LOC128125817: variants seen among roughly 807,000 people sequenced by gnomAD.
At chr1:41,620,163 G>C in the LOC128125817 span, among the ~76,000 whole-genome samples, 1 of 152,214 alleles carries the variant, frequency 6.6e-6, no homozygotes, top group Non-Finnish European at 1.5e-5. Flanking sequence ...AACAGAGCCC[G>C]AACAGAGGCA....
chr1:41,600,785 T>C, the LOC128125817 span, among the ~76,000 whole-genome samples: 1 of 152,196 alleles, frequency 6.6e-6, no homozygotes, highest in Non-Finnish European at 1.5e-5. Flanking sequence ...TCATGAAGTT[T>C]TCCCCTATGT....
the LOC128125817 span, among the ~76,000 whole-genome samples, chr1:41,595,969 CTAG>C: frequency 6.6e-6 from 1 of 152,074 alleles, no homozygotes; most frequent in East Asian, 1.9e-4. Context: ...TACATCTATC[CTAG>C]TAGTTCTGTC....
the LOC128125817 span, among the ~76,000 whole-genome samples, chr1:41,592,730 G>A: frequency 6.6e-6 from 1 of 152,344 alleles, no homozygotes; most frequent in Middle Eastern, 3.4e-3. Context: ...GCAATTGTTG[G>A]TGGAAGCCCT....
the LOC128125817 span, among the ~76,000 whole-genome samples, chr1:41,597,010 ACTGT>A: frequency 6.6e-6 from 1 of 151,998 alleles, no homozygotes; most frequent in African/African-American, 2.4e-5. Context: ...TGGATTTTTC[ACTGT>A]CTGGGAGGCT....
the LOC128125817 span, among the ~76,000 whole-genome samples, chr1:41,610,903 CCCAAGCTCCCA>C: frequency 6.6e-6 from 1 of 152,180 alleles, no homozygotes; most frequent in South Asian, 2.1e-4. Flanking sequence ...CCTGAGACCC[CCCAAGCTCCCA>C]CTCTGTGCTC....
the LOC128125817 span, chr1:41,585,437 C>T: frequency 4.3e-5 from 17 of 397,740 alleles, no homozygotes; most frequent in Non-Finnish European, 6.6e-5. Flanking sequence ...GCTGAGACCC[C>T]TCAAAAGTTA....
chr1:41,599,624 G>C, the LOC128125817 span, among the ~76,000 whole-genome samples: 2 of 152,110 alleles, frequency 1.3e-5, no homozygotes, highest in Non-Finnish European at 2.9e-5. Context: ...TAAAACTATA[G>C]AACTCTTAGA....
chr1:41,618,271 C>G, the LOC128125817 span, among the ~76,000 whole-genome samples: 1 of 152,248 alleles, frequency 6.6e-6, no homozygotes, highest in Admixed American at 6.5e-5. Context: ...GCTCAGCAGA[C>G]TCTGCGGTTA....
At chr1:41,624,975 C>G in the LOC128125817 span, among the ~76,000 whole-genome samples, 1 of 152,068 alleles carries the variant, frequency 6.6e-6, no homozygotes, top group African/African-American at 2.4e-5. Context: ...ACCAGCCTGG[C>G]TGACATGGTG....
At chr1:41,599,903 A>G in the LOC128125817 span, among the ~76,000 whole-genome samples, 1 of 152,212 alleles carries the variant, frequency 6.6e-6, no homozygotes, top group African/African-American at 2.4e-5. Flanking sequence ...AAAAATGAGC[A>G]AAGGACTTGA....
chr1:41,619,987 G>T, the LOC128125817 span, among the ~76,000 whole-genome samples: 1 of 152,190 alleles, frequency 6.6e-6, no homozygotes, highest in South Asian at 2.1e-4. Context: ...TCTCTAGTGG[G>T]TGACTCACAG....
chr1:41,626,393 G>A, the LOC128125817 span, among the ~76,000 whole-genome samples: 9 of 152,274 alleles, frequency 5.9e-5, no homozygotes, highest in East Asian at 5.8e-4. Flanking sequence ...CAGGTTTCTC[G>A]CTGGAACTGA....
At chr1:41,622,772 G>A in the LOC128125817 span, among the ~76,000 whole-genome samples, 3 of 152,330 alleles carry the variant, frequency 2.0e-5, no homozygotes, top group African/African-American at 7.2e-5. Context: ...GCTGGAGCAG[G>A]CAAGCCAGGG....
chr1:41,620,479 ACT>A, the LOC128125817 span, among the ~76,000 whole-genome samples: 2 of 151,334 alleles, frequency 1.3e-5, no homozygotes, highest in Admixed American at 1.3e-4. Flanking sequence ...CACTTCTCTG[ACT>A]CTTCCATCCA....
the LOC128125817 span, among the ~76,000 whole-genome samples, chr1:41,620,969 A>C: frequency 6.6e-6 from 1 of 152,176 alleles, no homozygotes; most frequent in African/African-American, 2.4e-5. Context: ...TGGGAGAGGA[A>C]GCCTGTTCCA....
At chr1:41,585,472 C>T in the LOC128125817 span, among the ~76,000 whole-genome samples, 1 of 152,116 alleles carries the variant, frequency 6.6e-6, no homozygotes, top group Non-Finnish European at 1.5e-5. Flanking sequence ...AGCAGAACCA[C>T]AGGCTCCGGC....
At chr1:41,599,989 G>C in the LOC128125817 span, among the ~76,000 whole-genome samples, 5 of 152,158 alleles carry the variant, frequency 3.3e-5, no homozygotes, top group South Asian at 1.0e-3. Flanking sequence ...CCAATTACTA[G>C]GGAAATGAAA....
chr1:41,617,852 C>T, the LOC128125817 span, among the ~76,000 whole-genome samples: 1 of 150,970 alleles, frequency 6.6e-6, no homozygotes, highest in Non-Finnish European at 1.5e-5. Context: ...ATGCCAATGG[C>T]TTTGGAACTG....
chr1:41,612,527 G>A, the LOC128125817 span, among the ~76,000 whole-genome samples: 10,911 of 152,200 alleles, frequency 0.072, 1,033 homozygotes, highest in East Asian at 0.46. Flanking sequence ...TTATCACTTC[G>A]TTTTGCAGAT....
Sources: gnomAD v4.1 joint callset for allele counts (sites outside exome capture counted in the v4.1 genomes callset) on GRCh38, gnomAD v4.1.1 for gene constraint, MANE v1.5 for transcripts.